LNX1: variants seen among roughly 807,000 people sequenced by gnomAD.
The protein encoded by LNX1 is ligand of numb-protein X 1.
In LNX1, 54 loss-of-function variants were observed where a neutral mutation model predicts 68.4. That is an observed-to-expected ratio of 0.79 (90% CI 0.63 to 0.99). The LOEUF (loss-of-function observed/expected upper bound fraction) is 0.99, where lower values mean the gene tolerates loss of function less well. Among genes scored for constraint, LNX1 ranks in the 50% least tolerant of loss-of-function variants. The pLI is 0.00. For synonymous variants in LNX1, 336 were observed against 350.0 expected, an observed-to-expected ratio of 0.96 and a Z score of 0.45; for missense variants, 906 against 926.4, an observed-to-expected ratio of 0.98 and a Z score of 0.29.
intron 2 of LNX1, among the ~76,000 whole-genome samples, chr4:53,517,795 C>A (rs1428794969): frequency 2.0e-5 from 3 of 152,154 alleles, no homozygotes; most frequent in Admixed American, 1.3e-4. Context: ...AAGTTATGAG[C>A]ATTTTTGCGT....
rs1163981972 is a variant in LNX1 at position 53,459,801 on chromosome 4, A to G, written c.*1106T>C. The G allele has an allele frequency of 6.4e-6, 2 of 314,412 alleles. No homozygotes were observed. The highest frequency in any genetic ancestry group is 5.0e-5 in the South Asian group (1 of 20,066). 19.5% of individuals were successfully genotyped at this position (314,412 alleles called of 1,614,324 possible). A position where few individuals can be genotyped will look rare whatever the true frequency, so the allele number is the denominator to read the frequency against. Reference sequence around the variant, plus strand: ...GCCACAGTTTTTTTGTTAATCAAACACCACTCTCTTAAGAGGCTGCATCAC... The same window carrying G: ...GCCACAGTTTTTTTGTTAATCAAACGCCACTCTCTTAAGAGGCTGCATCAC... On this transcript the variant is annotated 3_prime_UTR_variant, in exon 11 of 11. Coordinates refer to ENST00000263925, the MANE Select transcript of LNX1 (RefSeq NM_001126328.3).
At position 53,494,882 on chromosome 4, in the gene LNX1, G is replaced by A. The variant is rs752697075; in HGVS notation, c.1350+1141C>T. On this transcript the variant is annotated intron_variant, in intron 6 of 10. Transcript: ENST00000263925. ...CACAAAACTATCAGAACATTATACC[G>A]GGTGAAAAAAGCCAGTCCCCCAAGT... Among the ~76,000 whole-genome samples, 28 of 152,144 alleles carry A rather than the reference G, an allele frequency of 1.8e-4. 1 individual carries two copies. Among genetic ancestry groups the A allele is most frequent in the Admixed American group, 3.3e-4 (5 of 15,286 alleles).
intron 1 of LNX1, among the ~76,000 whole-genome samples, chr4:53,576,876 AAATAC>A (rs1731523699): frequency 1.3e-5 from 2 of 152,376 alleles, no homozygotes; most frequent in East Asian, 3.9e-4. Flanking sequence ...CTCAAAAAGA[AAATAC>A]ATTGACTTCA....
At chr4:53,504,607 CACG>C (rs1725738851) in intron 4 of LNX1, among the ~76,000 whole-genome samples, 1 of 152,238 alleles carries the variant, frequency 6.6e-6, no homozygotes, top group Non-Finnish European at 1.5e-5. Context: ...GGCTGTTTGG[CACG>C]AGAGGCCTAG....
At chr4:53,608,179 C>T (rs936330358) in intron 2 of LNX1, among the ~76,000 whole-genome samples, 1 of 152,172 alleles carries the variant, frequency 6.6e-6, no homozygotes, top group African/African-American at 2.4e-5. Flanking sequence ...AGTAAACAGA[C>T]AGCCTACAGT....
intron 1 of LNX1, among the ~76,000 whole-genome samples, chr4:53,576,831 A>G (rs1471690804): frequency 7.2e-5 from 11 of 152,324 alleles, no homozygotes; most frequent in Non-Finnish European, 1.2e-4. Flanking sequence ...TTTTCCAAAT[A>G]AAGTCGGAGG....
At chr4:53,525,708 C>A (rs1376748864) in intron 2 of LNX1, among the ~76,000 whole-genome samples, 1 of 152,202 alleles carries the variant, frequency 6.6e-6, no homozygotes, top group Admixed American at 6.5e-5. Flanking sequence ...TTACAGGCAG[C>A]CTCAGTTAGG....
chr4:53,599,313 T>C (rs1732891715), intron 2 of LNX1, among the ~76,000 whole-genome samples: 1 of 152,208 alleles, frequency 6.6e-6, no homozygotes, highest in Admixed American at 6.5e-5. Flanking sequence ...AAGATGGCTA[T>C]GTGAGTAACC....
At chr4:53,552,711 C>T (rs1444434074) in intron 2 of LNX1, among the ~76,000 whole-genome samples, 3 of 151,788 alleles carry the variant, frequency 2.0e-5, no homozygotes, top group African/African-American at 7.3e-5. Context: ...TGCCTGTAGT[C>T]CCAGCTACTC....
chr4:53,615,185 A>G (rs1205745723), intron 2 of LNX1, among the ~76,000 whole-genome samples: 1 of 152,186 alleles, frequency 6.6e-6, no homozygotes, highest in Non-Finnish European at 1.5e-5. Flanking sequence ...GGCCTCTGAT[A>G]AATCATGGAG....
chr4:53,497,497 C>T (rs114593513), intron 5 of LNX1, among the ~76,000 whole-genome samples: 2,650 of 152,314 alleles, frequency 0.017, 81 homozygotes, highest in African/African-American at 0.061. Flanking sequence ...CACCTTTGTC[C>T]AAGCACAGGT....
At chr4:53,575,540 C>T in intron 1 of LNX1, 7 of 985,380 alleles carry the variant, frequency 7.1e-6, no homozygotes, top group Non-Finnish European at 7.2e-6. Flanking sequence ...TGGACACACA[C>T]ACAAGTAGGA....
chr4:53,498,435 G>A (rs950878915), intron 5 of LNX1, among the ~76,000 whole-genome samples: 1 of 152,046 alleles, frequency 6.6e-6, no homozygotes, highest in Non-Finnish European at 1.5e-5. Flanking sequence ...AGAGAGAAAG[G>A]GGGGAGAGAG....
At chr4:53,513,632 C>T (rs1726528691) in intron 2 of LNX1, among the ~76,000 whole-genome samples, 1 of 152,206 alleles carries the variant, frequency 6.6e-6, no homozygotes, top group Non-Finnish European at 1.5e-5. Flanking sequence ...TGATTTCTTT[C>T]TTTCTCTGGA....
intron 6 of LNX1, among the ~76,000 whole-genome samples, chr4:53,490,101 A>T (rs552089242): frequency 1.1e-4 from 16 of 150,106 alleles, no homozygotes; most frequent in African/African-American, 3.9e-4. Flanking sequence ...ATGTTCTTTG[A>T]TGAAATGAAT....
chr4:53,576,515 T>C (rs777401582), intron 1 of LNX1: 3 of 1,098,364 alleles, frequency 2.7e-6, no homozygotes, highest in Non-Finnish European at 3.5e-6. Context: ...CCAGGTGCTT[T>C]TGTAGATCTT....
chr4:53,648,621 C>T (rs1219310031), intron 1 of LNX1, among the ~76,000 whole-genome samples: 1 of 152,098 alleles, frequency 6.6e-6, no homozygotes, highest in Non-Finnish European at 1.5e-5. Context: ...ATATCATTGG[C>T]ATTTCTGTGC....
At chr4:53,633,331 A>G (rs1280727430) in intron 1 of LNX1, among the ~76,000 whole-genome samples, 1 of 152,174 alleles carries the variant, frequency 6.6e-6, no homozygotes, top group African/African-American at 2.4e-5. Context: ...TTGGTCCCCC[A>G]TGCACAATAA....
At chr4:53,525,092 C>T (rs556289508) in intron 2 of LNX1, among the ~76,000 whole-genome samples, 186 of 152,284 alleles carry the variant, frequency 1.2e-3, no homozygotes, top group African/African-American at 4.3e-3. Context: ...CAGGGCCTCA[C>T]GTGTATCATG....
Sources: gnomAD v4.1 joint callset for allele counts (sites outside exome capture counted in the v4.1 genomes callset) on GRCh38, gnomAD v4.1.1 for gene constraint, MANE v1.5 for transcripts, NCBI Gene and HGNC (gene_info 2026-07-23, HGNC 2026-07-21) for gene names.